Variants in TECPR2 observed in about 807,000 individuals in gnomAD.
The protein encoded by TECPR2 is tectonin beta-propeller repeat containing 2.
TECPR2 carries 65 observed loss-of-function variants against 138.1 expected under a neutral mutation model. The observed-to-expected ratio is 0.47, with a 90% CI of 0.39 to 0.58. TECPR2 has a LOEUF of 0.58. TECPR2 is among the 20% of genes least tolerant of loss of function. TECPR2 has a pLI of 0.00. For missense variants in TECPR2, 1,553 were observed against 1,824.5 expected (o/e 0.85, Z 2.71); for synonymous variants, 746 against 749.8 (o/e 0.99, Z 0.08).
rs118116170 is a variant in TECPR2 at position 102,441,952 on chromosome 14, C to T, written c.2752+1343C>T. On this transcript the variant is annotated intron_variant, in intron 11 of 19. Coordinates refer to ENST00000359520, the MANE Select transcript of TECPR2 (RefSeq NM_014844.5). ...TTTATGTAAAGATCAGTCTTCCAGG[C>T]GTTTAATGTTGTTGATTCCAGGAGA... Among the ~76,000 whole-genome samples the T allele has an allele frequency of 3.7e-4, 57 of 152,240 alleles. No individual in the cohort carries two copies. The East Asian group carries it at 0.011, about 28-fold the overall frequency.
intron 2 of TECPR2, among the ~76,000 whole-genome samples, chr14:102,403,260 T>C (rs1888545510): frequency 6.6e-6 from 1 of 152,188 alleles, no homozygotes; most frequent in Non-Finnish European, 1.5e-5. Flanking sequence ...AATATGCTGT[T>C]TTAACAAAAT....
chr14:102,389,814 G>C (rs530137372), intron 2 of TECPR2, among the ~76,000 whole-genome samples: 1 of 152,206 alleles, frequency 6.6e-6, no homozygotes, highest in Admixed American at 6.5e-5. Flanking sequence ...CTGGCTTTAG[G>C]CTTCTTCCTT....
chr14:102,408,414 C>A, intron 3 of TECPR2, 74 bp from the exon 4 acceptor site: 1 of 1,499,814 alleles, frequency 6.7e-7, no homozygotes, highest in Admixed American at 2.3e-5. Context: ...GATTGTATAC[C>A]TTTTCCATGT....
chr14:102,376,788 A>G lies in TECPR2; in HGVS notation c.67A>G (p.Ile23Val), dbSNP rs776524033. The G allele has an allele frequency of 7.1e-5, 114 of 1,614,090 alleles. No individual in the cohort carries two copies. The highest frequency in any genetic ancestry group is 9.5e-5 in the Non-Finnish European group (112 of 1,180,040). Residue 23 changes from isoleucine to valine, a missense_variant, in exon 2 of 20, where the codon ATT (isoleucine) becomes GTT (valine). Coordinates refer to ENST00000359520, the MANE Select transcript of TECPR2 (RefSeq NM_014844.5). ...FCPLYYLLNA[I>V]PTKIQKGFRS... ...CCCGTTGTACTATCTCCTCAATGCC[A>G]TTCCGACAAAGATCCAGAAGGGTTT...
intron 2 of TECPR2, among the ~76,000 whole-genome samples, chr14:102,378,647 G>A (rs1054196099): frequency 2.6e-5 from 4 of 151,988 alleles, no homozygotes; most frequent in East Asian, 3.9e-4. Context: ...TTTTTGAGAC[G>A]GAGTTTCACT....
At chr14:102,426,305 C>T (rs1269498840) in intron 6 of TECPR2, among the ~76,000 whole-genome samples, 1 of 152,004 alleles carries the variant, frequency 6.6e-6, no homozygotes, top group Middle Eastern at 3.2e-3. Flanking sequence ...TCTGCTTAAA[C>T]CAAGATGATA....
chr14:102,483,612 T>G (rs1213424515), intron 17 of TECPR2, among the ~76,000 whole-genome samples: 1 of 151,536 alleles, frequency 6.6e-6, no homozygotes, highest in African/African-American at 2.4e-5. Flanking sequence ...AGCTAATTTT[T>G]TTATTATTTT....
At chr14:102,462,912 A>G (rs546652708) in intron 16 of TECPR2, among the ~76,000 whole-genome samples, 2 of 152,366 alleles carry the variant, frequency 1.3e-5, no homozygotes, top group African/African-American at 4.8e-5. Flanking sequence ...GGCACTTCAC[A>G]AAAGAAGATA....
At chr14:102,400,067 A>G (rs1165000777) in intron 2 of TECPR2, among the ~76,000 whole-genome samples, 2 of 134,166 alleles carry the variant, frequency 1.5e-5, no homozygotes, top group South Asian at 4.6e-4. Context: ...TTTTTTTTAG[A>G]TGGTGTCTTG....
At chr14:102,432,328 G>A (rs1889522107) in intron 8 of TECPR2, among the ~76,000 whole-genome samples, 200 bp downstream of exon 8, 1 of 144,822 alleles carries the variant, frequency 6.9e-6, no homozygotes, top group South Asian at 2.2e-4. Context: ...CACACTGTAA[G>A]GTCTAAATGA....
intron 16 of TECPR2, among the ~76,000 whole-genome samples, chr14:102,462,570 G>A (rs199787223): frequency 5.3e-5 from 8 of 152,118 alleles, no homozygotes; most frequent in African/African-American, 1.4e-4. Flanking sequence ...GCTACACTCC[G>A]TGGGCTGTCA....
intron 14 of TECPR2, 44 bp downstream of exon 14, chr14:102,449,913 C>T: frequency 6.3e-7 from 1 of 1,599,954 alleles, no homozygotes; most frequent in Middle Eastern, 1.7e-4. Context: ...TATAGGCAGC[C>T]TCACTTTAAA....
intron 5 of TECPR2, among the ~76,000 whole-genome samples, chr14:102,421,482 G>A (rs1422820604): frequency 2.0e-5 from 3 of 152,180 alleles, no homozygotes; most frequent in Non-Finnish European, 4.4e-5. Flanking sequence ...TGAGATTCTG[G>A]TGTGCGAAGA....
intron 17 of TECPR2, among the ~76,000 whole-genome samples, chr14:102,466,404 T>C (rs1362449234): frequency 6.6e-6 from 1 of 152,198 alleles, no homozygotes. Flanking sequence ...TTATAACACA[T>C]GCTCTGTTTT....
chr14:102,363,104 G>C lies in TECPR2; in HGVS notation c.-85G>C, dbSNP rs1231560487. 3 of 417,770 alleles carry C rather than the reference G, an allele frequency of 7.2e-6. No homozygotes were observed. The highest frequency in any genetic ancestry group is 2.1e-5 in the African/African-American group (1 of 47,896). The allele number at this position is 417,770 out of a possible 1,614,324, so 25.9% of individuals were successfully genotyped here. ...CGGCGGGGCCGACGAGTCCGGAGGGGCTGCCGCGGGAGGTGAGTCCGGCGA... is the reference window on the plus strand; with the variant it reads ...CGGCGGGGCCGACGAGTCCGGAGGGCCTGCCGCGGGAGGTGAGTCCGGCGA... On this transcript the variant is annotated 5_prime_UTR_variant, in exon 1 of 20. Transcript: ENST00000359520.
chr14:102,376,747 C>A lies in TECPR2; in HGVS notation c.26C>A (p.Thr9Lys). ...ATGGCATCGATATCAGAGCCTGTTA[C>A]ATTCAGAGAGTTCTGCCCGTTGTAC... MASISEPVTFREFCPLYYL... is the reference protein window; with the variant it reads MASISEPVKFREFCPLYYL... The change falls in exon 2 of 20, where the codon ACA (threonine) becomes AAA (lysine). Residue 9 changes from threonine to lysine, a missense_variant. Thr to Lys is a moderately conservative substitution (Grantham distance 78). Coordinates refer to ENST00000359520, the MANE Select transcript of TECPR2 (RefSeq NM_014844.5). The A allele has an allele frequency of 6.2e-7, 1 of 1,614,214 alleles. No homozygotes were observed. The highest frequency in any genetic ancestry group is 8.5e-7 in the Non-Finnish European group (1 of 1,180,030).
chr14:102,413,965 TA>T (rs1017351118), intron 4 of TECPR2, among the ~76,000 whole-genome samples: 4 of 151,522 alleles, frequency 2.6e-5, no homozygotes, highest in African/African-American at 7.3e-5. Context: ...GCCTGGCTAA[TA>T]AAAAAAATTT....
At chr14:102,366,935 G>A (rs972215517) in intron 1 of TECPR2, among the ~76,000 whole-genome samples, 1 of 152,156 alleles carries the variant, frequency 6.6e-6, no homozygotes, top group Non-Finnish European at 1.5e-5. Context: ...GCCTTTCTGT[G>A]GTGGTGATAT....
chr14:102,376,790 T>G lies in TECPR2; in HGVS notation c.69T>G (p.Ile23Met). The part of the protein sequence containing the change: ...FCPLYYLLNA[I>M]PTKIQKGFRS... ...CGTTGTACTATCTCCTCAATGCCAT[T>G]CCGACAAAGATCCAGAAGGGTTTCC... Residue 23 changes from isoleucine (I) to methionine (M), a missense_variant, in exon 2 of 20, where the codon ATT becomes ATG. Transcript: ENST00000359520. 1 of 1,614,180 alleles carries G rather than the reference T, an allele frequency of 6.2e-7. No individual in the cohort carries two copies. Among genetic ancestry groups the G allele is most frequent in the Non-Finnish European group, 8.5e-7 (1 of 1,180,024 alleles).
Sources: gnomAD v4.1 joint callset for allele counts (sites outside exome capture counted in the v4.1 genomes callset) on GRCh38, gnomAD v4.1.1 for gene constraint, MANE v1.5 for transcripts, NCBI Gene and HGNC (gene_info 2026-07-23, HGNC 2026-07-21) for gene names.